AGO3: variants seen among roughly 807,000 people sequenced by gnomAD.
AGO3 encodes protein argonaute-3.
AGO3 carries 16 observed loss-of-function variants against 105.5 expected under a neutral mutation model. That is an observed-to-expected ratio of 0.15 (90% confidence interval 0.10 to 0.23). The LOEUF is 0.23. AGO3 is among the 10% of genes least tolerant of loss of function. The pLI is 1.00. For synonymous variants in AGO3, 340 were observed against 367.3 expected, an observed-to-expected ratio of 0.93 and a Z score of 0.85; for missense variants, 534 against 1,088.0, an observed-to-expected ratio of 0.49 and a Z score of 7.16.
chr1:35,968,882 C>A (rs996331874), intron 3 of AGO3, among the ~76,000 whole-genome samples: 1 of 151,928 alleles, frequency 6.6e-6, no homozygotes, highest in African/African-American at 2.4e-5. Context: ...CACTTCCATG[C>A]CAACACTTGT....
chr1:35,982,294 C>T (rs936115914), intron 5 of AGO3, among the ~76,000 whole-genome samples: 1 of 152,066 alleles, frequency 6.6e-6, no homozygotes, highest in Non-Finnish European at 1.5e-5. Context: ...TTCTAAATAA[C>T]CCCTTGTTTA....
intron 11 of AGO3, among the ~76,000 whole-genome samples, chr1:36,022,866 A>G (rs993770824): frequency 4.0e-5 from 6 of 148,248 alleles, no homozygotes; most frequent in South Asian, 2.1e-4. Context: ...TGGGAAGCAG[A>G]GGTTTGATCG....
chr1:35,968,868 C>G (rs778374420), intron 3 of AGO3, among the ~76,000 whole-genome samples: 1 of 151,710 alleles, frequency 6.6e-6, no homozygotes, highest in Non-Finnish European at 1.5e-5. Flanking sequence ...GAGTTCCAAA[C>G]TCTCACTTCC....
At chr1:35,999,755 A>G (rs1639998598) in intron 5 of AGO3, among the ~76,000 whole-genome samples, 1 of 152,154 alleles carries the variant, frequency 6.6e-6, no homozygotes, top group South Asian at 2.1e-4. Flanking sequence ...TAATTTGTCC[A>G]TAGATTTTTA....
chr1:35,932,448 G>T (rs143603124), intron 1 of AGO3, among the ~76,000 whole-genome samples: 92 of 152,128 alleles, frequency 6.0e-4, no homozygotes, highest in Middle Eastern at 3.4e-3. Flanking sequence ...TTACGTAAAA[G>T]AAACCAGTGA....
intron 5 of AGO3, among the ~76,000 whole-genome samples, chr1:35,989,545 A>G (rs1389556270): frequency 1.3e-5 from 2 of 152,162 alleles, no homozygotes; most frequent in Non-Finnish European, 2.9e-5. Flanking sequence ...CCCATTTGCA[A>G]CTTGCATTTT....
chr1:35,969,982 G>A (rs963664504), intron 3 of AGO3, among the ~76,000 whole-genome samples: 1 of 152,060 alleles, frequency 6.6e-6, no homozygotes, highest in Non-Finnish European at 1.5e-5. Flanking sequence ...GTGTATATGG[G>A]GTCCATTGTG....
intron 2 of AGO3, among the ~76,000 whole-genome samples, chr1:35,951,051 G>A (rs545367532): frequency 6.6e-6 from 1 of 152,132 alleles, no homozygotes; most frequent in Admixed American, 6.5e-5. Flanking sequence ...CCGCCTCCTG[G>A]GTTCAAGCAA....
At chr1:36,014,783 A>AC (rs1298680344) in intron 11 of AGO3, among the ~76,000 whole-genome samples, 1 of 151,858 alleles carries the variant, frequency 6.6e-6, no homozygotes, top group East Asian at 1.9e-4. Context: ...AAAAAAAAAA[A>AC]AAAAAAACTT....
Position 36,040,321 on chromosome 1 carries a change from A to G in AGO3, c.2052A>G (p.Glu684=), listed in dbSNP as rs2148849563. The change falls in exon 16 of 19, where the codon GAA becomes GAG. Residue 684 remains glutamate, a synonymous_variant. Coordinates refer to ENST00000373191, the MANE Select transcript of AGO3 (RefSeq NM_024852.4). Reference sequence around the variant, plus strand: ...ATATTCTCTAGGTATTATATTATGAACTACTAGCAATTCGAGAAGCCTGCA... The same window carrying G: ...ATATTCTCTAGGTATTATATTATGAGCTACTAGCAATTCGAGAAGCCTGCA... ...EGQFRQVLYY[E]LLAIREACIS... is the part of the protein sequence containing the mutation. 1.1e-5 allele frequency: 17 copies of G among 1,613,310 alleles called. No homozygotes were observed. The highest frequency in any genetic ancestry group is 1.4e-5 in the Non-Finnish European group (17 of 1,179,412).
chr1:35,969,168 C>T (rs1342661096), intron 3 of AGO3, among the ~76,000 whole-genome samples: 1 of 151,892 alleles, frequency 6.6e-6, no homozygotes, highest in Non-Finnish European at 1.5e-5. Context: ...TTTAGCTAAA[C>T]TGATCAATAC....
At chr1:35,981,339 A>G (rs1647049514) in intron 5 of AGO3, among the ~76,000 whole-genome samples, 1 of 152,130 alleles carries the variant, frequency 6.6e-6, no homozygotes, top group Non-Finnish European at 1.5e-5. Flanking sequence ...AACATTAGGA[A>G]CACCTTCGGA....
intron 5 of AGO3, among the ~76,000 whole-genome samples, chr1:35,990,843 T>C (rs1647571997): frequency 1.3e-5 from 2 of 152,214 alleles, no homozygotes; most frequent in South Asian, 4.1e-4. Flanking sequence ...ATATTCAAAT[T>C]AGTCCTTTCA....
intron 8 of AGO3, 187 bp downstream of exon 8, chr1:36,009,231 A>G (rs771475952): frequency 2.3e-5 from 20 of 851,572 alleles, no homozygotes; most frequent in Non-Finnish European, 3.1e-5. Flanking sequence ...CTACCACTCT[A>G]ATGTAACCAC....
At chr1:36,050,173 C>T (rs1642646447) in intron 17 of AGO3, among the ~76,000 whole-genome samples, 1 of 152,190 alleles carries the variant, frequency 6.6e-6, no homozygotes, top group East Asian at 1.9e-4. Flanking sequence ...GGCCACAAAA[C>T]AAATTTCAAC....
chr1:35,964,552 G>C (rs911670174), intron 2 of AGO3, among the ~76,000 whole-genome samples: 2 of 152,134 alleles, frequency 1.3e-5, no homozygotes, highest in African/African-American at 4.8e-5. Flanking sequence ...TTGATTCCAT[G>C]TCTTTGCTAT....
chr1:36,003,783 G>T (rs1462558740), intron 5 of AGO3, among the ~76,000 whole-genome samples: 1 of 143,480 alleles, frequency 7.0e-6, no homozygotes, highest in Non-Finnish European at 1.5e-5. Context: ...TAATACCACT[G>T]TTTTTTCAAA....
chr1:36,024,310 G>T (rs1039687300), intron 11 of AGO3, among the ~76,000 whole-genome samples: 8 of 151,654 alleles, frequency 5.3e-5, no homozygotes, highest in Non-Finnish European at 8.8e-5. Context: ...AGCTAATTTT[G>T]TTTTTTTGTA....
In AGO3 at chr1:36,034,206, G is replaced by C; in HGVS notation, c.1624G>C (p.Gly542Arg). 6.3e-7 allele frequency: 1 copy of C among 1,590,142 alleles called. No homozygotes were observed. The highest frequency in any genetic ancestry group is 8.6e-7 in the Non-Finnish European group (1 of 1,168,386). Residue 542 changes from glycine to arginine, a missense_variant, in exon 13 of 19, where the codon GGT becomes CGT. Coordinates refer to ENST00000373191, the MANE Select transcript of AGO3 (RefSeq NM_024852.4). ...EVKRVGDTLL[G>R]MATQCVQVKN... ...GAAACGTGTAGGAGACACACTTTTG[G>C]GTATGGCTACACAATGTGTTCAAGT...
Sources: allele counts gnomAD v4.1 joint callset (sites outside exome capture counted in the v4.1 genomes callset), GRCh38; gene constraint gnomAD v4.1.1; transcripts MANE v1.5; gene names NCBI Gene and HGNC (gene_info 2026-07-23, HGNC 2026-07-21).